The following ROBO2 variants were observed in gnomAD, a reference collection of about 807,000 sequenced individuals.
The protein encoded by ROBO2 is roundabout guidance receptor 2.
In ROBO2, 53 loss-of-function variants were observed where a neutral mutation model predicts 160.8. The observed-to-expected ratio is 0.33, with a 90% CI of 0.26 to 0.41. The LOEUF (loss-of-function observed/expected upper bound fraction) is 0.41, where lower values mean the gene tolerates loss of function less well. ROBO2 is among the 10% of genes least tolerant of loss of function. The pLI is 1.00. For missense variants in ROBO2, 1,577 were observed against 1,722.4 expected, an observed-to-expected ratio of 0.92 and a Z score of 1.49; for synonymous variants, 664 against 611.7, an observed-to-expected ratio of 1.09 and a Z score of -1.26.
chr3:77,075,513 C>G (rs2067875824), intron 1 of ROBO2, among the ~76,000 whole-genome samples: 1 of 151,924 alleles, frequency 6.6e-6, no homozygotes, highest in Non-Finnish European at 1.5e-5. Flanking sequence ...CAGGGTTGGG[C>G]TTTACTGTAT....
chr3:77,292,939 A>T (rs548707905), intron 2 of ROBO2, among the ~76,000 whole-genome samples: 5 of 137,962 alleles, frequency 3.6e-5, no homozygotes, highest in African/African-American at 1.3e-4. Context: ...AAAATTGACG[A>T]TTAAACGGTA....
intron 2 of ROBO2, among the ~76,000 whole-genome samples, chr3:76,284,128 A>G (rs1708388465): frequency 2.0e-5 from 3 of 151,958 alleles, no homozygotes; most frequent in Admixed American, 2.0e-4. Context: ...AAAAATATAG[A>G]TGTATAGGTC....
At chr3:77,388,540 G>A (rs1416494421) in intron 2 of ROBO2, among the ~76,000 whole-genome samples, 2 of 151,654 alleles carry the variant, frequency 1.3e-5, no homozygotes, top group African/African-American at 2.4e-5. Flanking sequence ...TTTGTTTTTG[G>A]CATTTCTCAA....
At chr3:76,546,067 T>G (rs2108292489) in intron 2 of ROBO2, among the ~76,000 whole-genome samples, 1 of 151,998 alleles carries the variant, frequency 6.6e-6, no homozygotes, top group Middle Eastern at 3.4e-3. Flanking sequence ...ATAATAATAT[T>G]ATGGCCTAAT....
At chr3:77,001,265 C>T (rs1399325134) in intron 2 of ROBO2, among the ~76,000 whole-genome samples, 1 of 152,108 alleles carries the variant, frequency 6.6e-6, no homozygotes, top group Admixed American at 6.6e-5. Flanking sequence ...TCAGCTAATG[C>T]CAGTAGTATC....
chr3:76,376,677 G>C (rs1172660147), intron 2 of ROBO2, among the ~76,000 whole-genome samples: 1 of 152,128 alleles, frequency 6.6e-6, no homozygotes, highest in Non-Finnish European at 1.5e-5. Context: ...AAGGGCACAG[G>C]TGATGCAACT....
At chr3:76,651,759 T>G (rs1328869720) in intron 2 of ROBO2, among the ~76,000 whole-genome samples, 1 of 152,202 alleles carries the variant, frequency 6.6e-6, no homozygotes, top group African/African-American at 2.4e-5. Context: ...TACTTTGCTA[T>G]TCACATATGC....
intron 2 of ROBO2, among the ~76,000 whole-genome samples, chr3:76,773,793 A>G (rs2062061678): frequency 6.6e-6 from 1 of 150,764 alleles, no homozygotes; most frequent in African/African-American, 2.4e-5. Flanking sequence ...CAATCAAAAA[A>G]AGAATGGGAA....
At chr3:75,944,924 T>C (rs186695230) in intron 2 of ROBO2, among the ~76,000 whole-genome samples, 11 of 152,292 alleles carry the variant, frequency 7.2e-5, no homozygotes, top group Non-Finnish European at 1.6e-4. Flanking sequence ...CTACACTGTG[T>C]GTCTTTCTGG....
intron 2 of ROBO2, among the ~76,000 whole-genome samples, chr3:76,868,401 G>A (rs7433861): frequency 0.86 from 130,781 of 152,164 alleles, 56,335 homozygotes; most frequent in Middle Eastern, 0.91. Flanking sequence ...ATTGACCACA[G>A]ATTGTCTCTT....
intron 2 of ROBO2, among the ~76,000 whole-genome samples, chr3:76,491,978 T>C (rs2079850141): frequency 6.6e-6 from 1 of 152,046 alleles, no homozygotes; most frequent in South Asian, 2.1e-4. Context: ...ATGTGGTGCA[T>C]GGTGGTGTGT....
At chr3:76,450,297 A>T (rs148370771) in intron 2 of ROBO2, among the ~76,000 whole-genome samples, 56 of 152,346 alleles carry the variant, frequency 3.7e-4, no homozygotes, top group African/African-American at 1.3e-3. Flanking sequence ...GTGATGTTTA[A>T]GATAATTCTC....
chr3:76,217,748 T>C (rs1703656421), intron 2 of ROBO2, among the ~76,000 whole-genome samples: 1 of 152,146 alleles, frequency 6.6e-6, no homozygotes, highest in African/African-American at 2.4e-5. Context: ...GAGGAACTGG[T>C]ACCATTCCTT....
intron 2 of ROBO2, among the ~76,000 whole-genome samples, chr3:76,194,695 C>T (rs1702178140): frequency 6.6e-6 from 1 of 151,812 alleles, no homozygotes; most frequent in Non-Finnish European, 1.5e-5. Context: ...TCTCGACTCA[C>T]TGCAACCTCC....
intron 2 of ROBO2, among the ~76,000 whole-genome samples, chr3:75,946,552 G>A (rs1221630690): frequency 2.6e-5 from 4 of 152,086 alleles, no homozygotes; most frequent in Admixed American, 6.6e-5. Context: ...CAAGTAGGAA[G>A]GCACTGATCT....
At chr3:76,513,127 C>T (rs1173085160) in intron 2 of ROBO2, among the ~76,000 whole-genome samples, 2 of 152,112 alleles carry the variant, frequency 1.3e-5, no homozygotes, top group African/African-American at 4.8e-5. Flanking sequence ...ACAATTTGAA[C>T]AGTAGCAAGG....
At chr3:77,435,271 C>T (rs923565288) in intron 2 of ROBO2, among the ~76,000 whole-genome samples, 1 of 151,628 alleles carries the variant, frequency 6.6e-6, no homozygotes, top group African/African-American at 2.4e-5. Context: ...TGTTTATTTT[C>T]TTTCCATATC....
At chr3:77,368,968 C>T (rs6777729) in intron 2 of ROBO2, among the ~76,000 whole-genome samples, 141 of 152,214 alleles carry the variant, frequency 9.3e-4, no homozygotes, top group Non-Finnish European at 1.7e-3. Context: ...TCACTACTTA[C>T]GGGGGTGTTA....
intron 1 of ROBO2, among the ~76,000 whole-genome samples, chr3:77,094,197 A>T (rs368290261): frequency 6.6e-6 from 1 of 152,060 alleles, no homozygotes; most frequent in East Asian, 1.9e-4. Flanking sequence ...TCTACATTCT[A>T]TGTCCGTGGA....
Sources: allele counts gnomAD v4.1 joint callset (sites outside exome capture counted in the v4.1 genomes callset), GRCh38; gene constraint gnomAD v4.1.1; transcripts MANE v1.5; gene names NCBI Gene and HGNC (gene_info 2026-07-23, HGNC 2026-07-21).